Variants in F2RL1 observed in about 807,000 individuals in gnomAD.
The protein encoded by F2RL1 is proteinase-activated receptor 2.
F2RL1 carries 16 observed loss-of-function variants against 21.7 expected under a neutral mutation model. The observed-to-expected ratio is 0.74, with a 90% CI of 0.50 to 1.12. The LOEUF is 1.12. F2RL1 is among the 50% of genes most tolerant of loss of function. The pLI is 0.00. For missense variants in F2RL1, 432 were observed against 477.8 expected (o/e 0.90, Z 0.89); for synonymous variants, 181 against 186.7 (o/e 0.97, Z 0.25).
chr5:76,830,706 G>A (rs180793166), intron 1 of F2RL1, among the ~76,000 whole-genome samples: 7 of 152,224 alleles, frequency 4.6e-5, no homozygotes, highest in African/African-American at 1.7e-4. Context: ...TGTTCACAGA[G>A]TCTGGCGATT....
Position 76,835,263 on chromosome 5 carries a change from ATTATT to A in F2RL1, c.*1468_*1472del, listed in dbSNP as rs1750434263. 1 of 152,256 alleles carries A rather than the reference ATTATT, an allele frequency of 6.6e-6. No homozygotes were observed. The highest frequency in any genetic ancestry group is 1.5e-5 in the Non-Finnish European group (1 of 68,050). 9.4% of individuals were successfully genotyped at this position (152,256 alleles called of 1,614,324 possible). On this transcript the variant is annotated 3_prime_UTR_variant, in exon 2 of 2. Coordinates refer to ENST00000296677, the MANE Select transcript of F2RL1 (RefSeq NM_005242.6). ...ATTGTATTTGTGACTTTTAAAAATA[ATTATT>A]TTATTGTGTAATTGATTTATAAATA...
chr5:76,821,717 C>T (rs183755705), intron 1 of F2RL1, among the ~76,000 whole-genome samples: 134 of 150,916 alleles, frequency 8.9e-4, no homozygotes, highest in African/African-American at 3.1e-3. Context: ...GTAGCTGGGA[C>T]GACAGGCACG....
intron 1 of F2RL1, among the ~76,000 whole-genome samples, chr5:76,826,054 T>A (rs1750231935): frequency 1.3e-5 from 2 of 152,156 alleles, no homozygotes; most frequent in African/African-American, 4.8e-5. Context: ...ACCACTCAAC[T>A]TCAATAATTA....
intron 1 of F2RL1, among the ~76,000 whole-genome samples, chr5:76,821,655 G>A (rs1424217754): frequency 1.4e-5 from 2 of 138,580 alleles, no homozygotes; most frequent in Non-Finnish European, 3.0e-5. Context: ...TTGGCTCATT[G>A]CAACCTCCAC....
intron 1 of F2RL1, among the ~76,000 whole-genome samples, chr5:76,823,864 G>T (rs185476703): frequency 1.8e-3 from 266 of 147,528 alleles, no homozygotes; most frequent in African/African-American, 6.6e-3. Context: ...CCAGGCTGGA[G>T]TGAAGGGGCG....
At chr5:76,829,683 AT>A (rs1750316568) in intron 1 of F2RL1, among the ~76,000 whole-genome samples, 1 of 152,210 alleles carries the variant, frequency 6.6e-6, no homozygotes, top group South Asian at 2.1e-4. Flanking sequence ...GGCCTGTGAA[AT>A]CAGTGTTAAA....
At chr5:76,819,584 G>A (rs907463930) in intron 1 of F2RL1, among the ~76,000 whole-genome samples, 11 of 152,190 alleles carry the variant, frequency 7.2e-5, no homozygotes, top group African/African-American at 2.7e-4. Flanking sequence ...AGGGAGGGAA[G>A]GAAGGAGTAG....
chr5:76,832,758 A>G lies in F2RL1; in HGVS notation c.151A>G (p.Lys51Glu). The G allele has an allele frequency of 6.2e-7, 1 of 1,614,260 alleles. No individual in the cohort carries two copies. Among genetic ancestry groups the G allele is most frequent in the Non-Finnish European group, 8.5e-7 (1 of 1,180,048 alleles). ...KVDGTSHVTG[K>E]GVTVETVFSV... is the part of the protein sequence containing the mutation. ...TGATGGCACATCCCACGTCACTGGA[A>G]AAGGAGTTACAGTTGAAACAGTCTT... Residue 51 changes from lysine to glutamate, a missense_variant, in exon 2 of 2, where the codon AAA (lysine) becomes GAA (glutamate). Coordinates refer to ENST00000296677, the MANE Select transcript of F2RL1 (RefSeq NM_005242.6).
At chr5:76,823,358 T>G (rs1292494000) in intron 1 of F2RL1, among the ~76,000 whole-genome samples, 4 of 147,362 alleles carry the variant, frequency 2.7e-5, no homozygotes, top group Non-Finnish European at 5.9e-5. Context: ...GTTTTGTTTG[T>G]TTGGTTGGTT....
At chr5:76,824,078 C>T (rs1341661660) in intron 1 of F2RL1, among the ~76,000 whole-genome samples, 1 of 151,662 alleles carries the variant, frequency 6.6e-6, no homozygotes, top group East Asian at 1.9e-4. Context: ...TCCCAAAGTG[C>T]TGGGATTACA....
Position 76,833,308 on chromosome 5 carries a change from T to A in F2RL1, c.701T>A (p.Leu234His), listed in dbSNP as rs777748504. ...TTCHDVLPEQLLVGDMFNYFL... is the reference protein window; with the variant it reads ...TTCHDVLPEQHLVGDMFNYFL... Reference sequence around the variant, plus strand: ...TGTCATGATGTTTTGCCTGAGCAGCTCTTGGTGGGAGACATGTTCAATTAC... The same window carrying A: ...TGTCATGATGTTTTGCCTGAGCAGCACTTGGTGGGAGACATGTTCAATTAC... The change falls in exon 2 of 2, where the codon CTC becomes CAC. Residue 234 changes from leucine to histidine, a missense_variant. Coordinates refer to ENST00000296677, the MANE Select transcript of F2RL1 (RefSeq NM_005242.6). 5.0e-6 allele frequency: 8 copies of A among 1,613,920 alleles called. No homozygotes were observed. The highest frequency in any genetic ancestry group is 5.9e-6 in the Non-Finnish European group (7 of 1,180,008).
At chr5:76,824,149 T>TCCCCCC (rs1561209925) in intron 1 of F2RL1, among the ~76,000 whole-genome samples, 1 of 98,476 alleles carries the variant, frequency 1.0e-5, no homozygotes, top group African/African-American at 4.0e-5. Context: ...GAACTAGTCC[T>TCCCCCC]CCCCACCACA....
At chr5:76,832,626 CA>C in intron 1 of F2RL1, 63 bp from the exon 2 acceptor site, 8 of 1,437,842 alleles carry the variant, frequency 5.6e-6, no homozygotes, top group Non-Finnish European at 7.5e-6. Context: ...TTCATTTGAA[CA>C]AACCAGTGTT....
chr5:76,820,618 A>G (rs1750116225), intron 1 of F2RL1, among the ~76,000 whole-genome samples: 1 of 152,176 alleles, frequency 6.6e-6, no homozygotes, highest in Admixed American at 6.5e-5. Context: ...TTCAGGAGCA[A>G]AGGTTAGTAT....
chr5:76,819,374 C>A, intron 1 of F2RL1, 110 bp downstream of exon 1: 2 of 910,082 alleles, frequency 2.2e-6, no homozygotes, highest in East Asian at 2.8e-5. Context: ...CTGCTGCCGG[C>A]ACCCATCTCT....
At chr5:76,824,766 A>G (rs1273753916) in intron 1 of F2RL1, among the ~76,000 whole-genome samples, 1 of 152,162 alleles carries the variant, frequency 6.6e-6, no homozygotes, top group Non-Finnish European at 1.5e-5. Flanking sequence ...CTAGAAGTAA[A>G]TTGCTAGGTC....
chr5:76,832,055 T>A (rs1188393619), intron 1 of F2RL1, among the ~76,000 whole-genome samples: 1 of 151,524 alleles, frequency 6.6e-6, no homozygotes, highest in African/African-American at 2.4e-5. Flanking sequence ...AGCTGGGGAC[T>A]AATGAGTGTG....
chr5:76,827,749 G>C (rs1332542683), intron 1 of F2RL1, among the ~76,000 whole-genome samples: 1 of 151,512 alleles, frequency 6.6e-6, no homozygotes, highest in Non-Finnish European at 1.5e-5. Context: ...ATAGGCGTGT[G>C]CCACCACACC....
At chr5:76,823,062 C>G (rs1477770038) in intron 1 of F2RL1, among the ~76,000 whole-genome samples, 1 of 152,092 alleles carries the variant, frequency 6.6e-6, no homozygotes, top group Non-Finnish European at 1.5e-5. Context: ...AACCCTGTCT[C>G]TACTAAAAAT....
Sources: allele counts gnomAD v4.1 joint callset (sites outside exome capture counted in the v4.1 genomes callset), GRCh38; gene constraint gnomAD v4.1.1; transcripts MANE v1.5; gene names NCBI Gene and HGNC (gene_info 2026-07-23, HGNC 2026-07-21).